FHIP1A: variants seen among roughly 807,000 people sequenced by gnomAD.
The protein encoded by FHIP1A is FHF complex subunit HOOK interacting protein 1A.
Under a neutral mutation model 88.6 loss-of-function variants are expected in FHIP1A, and 61 were observed. The observed-to-expected ratio is 0.69, with a 90% CI of 0.56 to 0.85. The LOEUF is 0.85. Among genes scored for constraint, FHIP1A ranks in the 40% least tolerant of loss-of-function variants. The probability of loss-of-function intolerance (pLI) is 0.00; values close to 1 mark genes in which losing one functional copy is unlikely to be tolerated. For missense variants in FHIP1A, 1,154 were observed against 1,273.5 expected, an observed-to-expected ratio of 0.91 and a Z score of 1.43; for synonymous variants, 478 against 496.0, an observed-to-expected ratio of 0.96 and a Z score of 0.48.
intron 11 of FHIP1A, among the ~76,000 whole-genome samples, chr4:151,654,216 T>C (rs1737143508): frequency 6.6e-6 from 1 of 152,218 alleles, no homozygotes; most frequent in African/African-American, 2.4e-5. Context: ...ACTCCATTTG[T>C]ATCATTACAG....
At chr4:151,611,684 C>T (rs1274551027) in intron 7 of FHIP1A, among the ~76,000 whole-genome samples, 1 of 152,084 alleles carries the variant, frequency 6.6e-6, no homozygotes, top group East Asian at 1.9e-4. Flanking sequence ...AGATAGCATT[C>T]TGTTTGTCTG....
At position 151,666,999 on chromosome 4, in the gene FHIP1A, A is replaced by G. The variant is rs1244828481; in HGVS notation, c.*4245A>G. On this transcript the variant is annotated 3_prime_UTR_variant, in exon 14 of 14. Transcript: ENST00000435205. ...TTAAGGGCAGTTCAATGTAATTGCTAATTACCAGCCCTGTATTTACTGAAA... is the reference window on the plus strand; with the variant it reads ...TTAAGGGCAGTTCAATGTAATTGCTGATTACCAGCCCTGTATTTACTGAAA... Among the ~76,000 whole-genome samples the G allele has an allele frequency of 6.6e-6, 1 of 152,150 alleles. No homozygotes were observed. Among genetic ancestry groups the G allele is most frequent in the Non-Finnish European group, 1.5e-5 (1 of 68,034 alleles).
intron 3 of FHIP1A, among the ~76,000 whole-genome samples, chr4:151,555,879 TTAGAC>T (rs1367275324): frequency 6.6e-6 from 1 of 152,156 alleles, no homozygotes; most frequent in African/African-American, 2.4e-5. Context: ...ACTGATTATG[TTAGAC>T]TAAAGAAGAT....
intron 3 of FHIP1A, among the ~76,000 whole-genome samples, chr4:151,527,499 CA>C (rs1473162506): frequency 4.6e-5 from 7 of 152,052 alleles, no homozygotes; most frequent in African/African-American, 1.4e-4. Context: ...GGCTCGGCAT[CA>C]GAGGGAGACC....
At chr4:151,412,189 T>G (rs1025691495) in intron 1 of FHIP1A, among the ~76,000 whole-genome samples, 2 of 151,782 alleles carry the variant, frequency 1.3e-5, no homozygotes, top group Admixed American at 1.3e-4. Flanking sequence ...CTGCAACCTC[T>G]GCCTCCCAGT....
At chr4:151,430,594 A>G (rs1733553665) in intron 1 of FHIP1A, among the ~76,000 whole-genome samples, 1 of 152,180 alleles carries the variant, frequency 6.6e-6, no homozygotes, top group East Asian at 1.9e-4. Flanking sequence ...ATTGATTTTA[A>G]GTAGGAGTAA....
chr4:151,547,991 A>G (rs1732573390), intron 3 of FHIP1A, among the ~76,000 whole-genome samples: 1 of 152,044 alleles, frequency 6.6e-6, no homozygotes, highest in Admixed American at 6.5e-5. Context: ...CTGTAGTCCC[A>G]TGAGGTAGGC....
At chr4:151,527,200 C>T (rs577737148) in intron 3 of FHIP1A, among the ~76,000 whole-genome samples, 2 of 152,158 alleles carry the variant, frequency 1.3e-5, no homozygotes, top group East Asian at 3.9e-4. Context: ...TGTAGCGAGC[C>T]GAGATCACGC....
intron 1 of FHIP1A, among the ~76,000 whole-genome samples, chr4:151,438,875 C>T (rs2126555516): frequency 6.6e-6 from 1 of 152,026 alleles, no homozygotes; most frequent in East Asian, 1.9e-4. Context: ...AGCTTCTGTC[C>T]TCAAGTGATA....
At chr4:151,608,674 T>C (rs1040277737) in intron 7 of FHIP1A, among the ~76,000 whole-genome samples, 1 of 152,208 alleles carries the variant, frequency 6.6e-6, no homozygotes, top group Non-Finnish European at 1.5e-5. Context: ...ACAGGGGTTC[T>C]AGTTATGTGT....
Position 151,507,943 on chromosome 4 carries a change from A to C in FHIP1A, c.-123+25295A>C, listed in dbSNP as rs138949102. Among the ~76,000 whole-genome samples the C allele has an allele frequency of 2.6e-4, 39 of 152,368 alleles. No homozygotes were observed. The East Asian group carries it at 7.5e-3, about 29-fold the overall frequency. The stretch of plus-strand genomic sequence containing the variant: ...GAAGCTTGAGTAGTACTGAACTTAG[A>C]GTCTCTTTCTTGACGCATTTTGAAT... On this transcript the variant is annotated intron_variant, in intron 3 of 13. Transcript: ENST00000435205.
intron 1 of FHIP1A, among the ~76,000 whole-genome samples, chr4:151,442,881 C>T (rs1728461815): frequency 6.6e-6 from 1 of 151,904 alleles, no homozygotes; most frequent in Non-Finnish European, 1.5e-5. Flanking sequence ...TCTATTTTGC[C>T]GATCACATTT....
At chr4:151,517,329 T>A (rs1342081433) in intron 3 of FHIP1A, among the ~76,000 whole-genome samples, 1 of 152,038 alleles carries the variant, frequency 6.6e-6, no homozygotes, top group African/African-American at 2.4e-5. Context: ...GAGGCATAGC[T>A]TTAGGAGATA....
chr4:151,567,445 T>G lies in FHIP1A; in HGVS notation c.105+1081T>G, dbSNP rs183773504. ...TCTTGTTACTATCTAGTATAAACCT[T>G]CTCCGATTTTTTGTGCATTCTCTGA... On this transcript the variant is annotated intron_variant, in intron 4 of 13. Coordinates refer to ENST00000435205, the MANE Select transcript of FHIP1A (RefSeq NM_001109977.3). Among the ~76,000 whole-genome samples, 253 of 150,402 alleles carry G rather than the reference T, an allele frequency of 1.7e-3. 1 individual carries two copies. Among genetic ancestry groups the G allele is most frequent in the African/African-American group, 5.9e-3 (244 of 41,338 alleles).
At chr4:151,476,161 ATTT>A (rs564671344) in intron 2 of FHIP1A, among the ~76,000 whole-genome samples, 4 of 111,496 alleles carry the variant, frequency 3.6e-5, no homozygotes, top group Non-Finnish European at 5.3e-5. Context: ...TGCTCGGCCG[ATTT>A]TTTTTTTTTT....
chr4:151,653,182 T>C (rs1737094012), intron 11 of FHIP1A, among the ~76,000 whole-genome samples: 1 of 152,162 alleles, frequency 6.6e-6, no homozygotes, highest in South Asian at 2.1e-4. Flanking sequence ...TTGTTTAGAA[T>C]AGGAAAAGAC....
At chr4:151,524,994 C>G (rs568528394) in intron 3 of FHIP1A, among the ~76,000 whole-genome samples, 2 of 152,314 alleles carry the variant, frequency 1.3e-5, no homozygotes, top group South Asian at 4.1e-4. Context: ...CTTTCTGGCT[C>G]TGAATTTTGA....
chr4:151,653,354 G>A (rs1354650229), intron 11 of FHIP1A, among the ~76,000 whole-genome samples: 1 of 151,834 alleles, frequency 6.6e-6, no homozygotes, highest in Non-Finnish European at 1.5e-5. Flanking sequence ...CTCTGTGTGT[G>A]TGTCTCTCTC....
chr4:151,432,864 A>C (rs1194628052), intron 1 of FHIP1A, among the ~76,000 whole-genome samples: 1 of 152,146 alleles, frequency 6.6e-6, no homozygotes, highest in Non-Finnish European at 1.5e-5. Flanking sequence ...AGCCCTAGTC[A>C]AGTGCAGGGG....
Sources: gnomAD v4.1 joint callset for allele counts (sites outside exome capture counted in the v4.1 genomes callset) on GRCh38, gnomAD v4.1.1 for gene constraint, MANE v1.5 for transcripts, NCBI Gene and HGNC (gene_info 2026-07-23, HGNC 2026-07-21) for gene names.